FLT3: variants seen among roughly 807,000 people sequenced by gnomAD.
FLT3 encodes receptor-type tyrosine-protein kinase FLT3.
FLT3 carries 46 observed loss-of-function variants against 126.6 expected under a neutral mutation model. That is an observed-to-expected ratio of 0.36 (90% confidence interval 0.29 to 0.46). The LOEUF is 0.46. FLT3 is among the 20% of genes least tolerant of loss of function. The pLI, the probability that FLT3 is intolerant of heterozygous loss-of-function variation, is 1.00. For missense variants in FLT3, 1,069 were observed against 1,190.3 expected (o/e 0.90, Z 1.50); for synonymous variants, 404 against 434.4 (o/e 0.93, Z 0.87).
At chr13:28,017,728 G>A (rs534474042) in intron 20 of FLT3, among the ~76,000 whole-genome samples, 3 of 149,276 alleles carry the variant, frequency 2.0e-5, no homozygotes, top group Non-Finnish European at 3.0e-5. Flanking sequence ...GCAGTGGCGC[G>A]ATCTCAGCTC....
rs1051138362 is a variant in FLT3 at position 28,100,203 on chromosome 13, C to T, written c.43+265G>A. Reference sequence around the variant, plus strand: ...GCGAGGCCGTCTGCGAAGTCCGGGCCGCCACTCGGGACCGCGGCCCGAGCC... The same window carrying T: ...GCGAGGCCGTCTGCGAAGTCCGGGCTGCCACTCGGGACCGCGGCCCGAGCC... On this transcript the variant is annotated intron_variant, in intron 1 of 23. Transcript: ENST00000241453. The surrounding 1 kb of genome is among the most constrained non-coding windows in gnomAD (Gnocchi z 4.8). Among the ~76,000 whole-genome samples the T allele has an allele frequency of 2.0e-4, 30 of 151,978 alleles. No individual in the cohort carries two copies. The highest frequency in any genetic ancestry group is 6.8e-4 in the African/African-American group (28 of 41,388).
chr13:28,065,114 A>G (rs1166865786), intron 2 of FLT3, among the ~76,000 whole-genome samples: 1 of 152,216 alleles, frequency 6.6e-6, no homozygotes, highest in Non-Finnish European at 1.5e-5. Context: ...ATGCTATGTA[A>G]GAAAGAGGAG....
rs1873623486 is a variant in FLT3 at position 28,034,214 on chromosome 13, G to C, written c.1705C>G (p.Gln569Glu). The change falls in exon 14 of 24, where the codon CAA (glutamine) becomes GAA (glutamate). Residue 569 changes from glutamine (Q) to glutamate (E), a missense_variant and splice_region_variant. Physicochemically the swap from Gln to Glu is conservative, Grantham distance 29. Transcript: ENST00000241453. ...TGTAGCTGGCTTTCATACCTAAATTGCTTCAGAGATGAAATGATGAGTCAG... is the reference window on the plus strand; with the variant it reads ...TGTAGCTGGCTTTCATACCTAAATTCCTTCAGAGATGAAATGATGAGTCAG... ...TLLICHKYKK[Q>E]FRYESQLQMV... 6.2e-7 allele frequency: 1 copy of C among 1,613,906 alleles called. No individual in the cohort carries two copies. Among genetic ancestry groups the C allele is most frequent in the South Asian group, 1.1e-5 (1 of 91,024 alleles).
chr13:28,070,616 T>C lies in FLT3; in HGVS notation c.44-4A>G. ...AATATCATTGCAGAAAAAACAACTG[T>C]AAAACAAAATAAAAATGATAATGTT... On this transcript the variant is annotated splice_polypyrimidine_tract_variant and splice_region_variant and intron_variant, in intron 1 of 23. Transcript: ENST00000241453. The C allele has an allele frequency of 6.3e-7, 1 of 1,586,624 alleles. No individual in the cohort carries two copies. The highest frequency in any genetic ancestry group is 8.6e-7 in the Non-Finnish European group (1 of 1,159,620).
At position 28,049,651 on chromosome 13, in the gene FLT3, T is replaced by G. The variant is rs754039652; in HGVS notation, c.866A>C (p.Asn289Thr). 9 of 1,614,198 alleles carry G rather than the reference T, an allele frequency of 5.6e-6. No individual in the cohort carries two copies. The East Asian group carries it at 1.3e-4, about 24-fold the overall frequency. The change falls in exon 7 of 24, where the codon AAC (asparagine) becomes ACC (threonine). Residue 289 changes from asparagine to threonine, a missense_variant. Coordinates refer to ENST00000241453, the MANE Select transcript of FLT3 (RefSeq NM_004119.3). ...HGFGLTWELE[N>T]KALEEGNYFE... ...TCCTATTACCTCCTCGAGTGCTTTG[T>G]TTTCTAATTCCCAGGTGAGCCCGAA...
At position 28,057,372 on chromosome 13, in the gene FLT3, T is replaced by G; in HGVS notation, c.459A>C (p.Thr153=). 1 of 1,498,836 alleles carries G rather than the reference T, an allele frequency of 6.7e-7. No homozygotes were observed. Among genetic ancestry groups the G allele is most frequent in the Non-Finnish European group, 9.3e-7 (1 of 1,074,656 alleles). 92.8% of individuals were successfully genotyped at this position (1,498,836 alleles called of 1,614,324 possible). The part of the protein sequence containing the change: ...LFIQSEATNY[T]ILFTVSIRNT... ...TTCTTATACTCACTGTAAACAATAT[T>G]GTGTAATTGGTAGCTTCACTCTGAA... Residue 153 remains threonine, a synonymous_variant, in exon 4 of 24, where the codon ACA becomes ACC. Transcript: ENST00000241453.
Position 28,047,346 on chromosome 13 carries a change from A to G in FLT3, c.1205+929T>C, listed in dbSNP as rs1306786538. Among the ~76,000 whole-genome samples, 3 of 152,344 alleles carry G rather than the reference A, an allele frequency of 2.0e-5. No individual in the cohort carries two copies. The East Asian group carries it at 5.8e-4, about 29-fold the overall frequency. On this transcript the variant is annotated intron_variant, in intron 9 of 23. Transcript: ENST00000241453. ...TTAGTTTAAAGAGACAAGAGATGTCATAACTATAGAAGATATAGGGGAAAG... is the reference window on the plus strand; with the variant it reads ...TTAGTTTAAAGAGACAAGAGATGTCGTAACTATAGAAGATATAGGGGAAAG...
intron 9 of FLT3, among the ~76,000 whole-genome samples, chr13:28,041,984 C>T (rs1294988947): frequency 2.0e-5 from 3 of 151,896 alleles, no homozygotes; most frequent in African/African-American, 7.2e-5. Context: ...GAAACTCCAT[C>T]TCTACTAAAG....
At chr13:28,077,457 AT>A (rs1314939786) in intron 1 of FLT3, among the ~76,000 whole-genome samples, 1 of 152,184 alleles carries the variant, frequency 6.6e-6, no homozygotes, top group Non-Finnish European at 1.5e-5. Flanking sequence ...CGTGAGACTT[AT>A]TCCCATCAAA....
At chr13:28,010,542 A>G (rs940053395) in intron 23 of FLT3, among the ~76,000 whole-genome samples, 2 of 152,228 alleles carry the variant, frequency 1.3e-5, no homozygotes, top group Non-Finnish European at 2.9e-5. Context: ...TCGGTTCACC[A>G]CTGTCTAAAT....
chr13:28,095,721 G>T (rs1879408365), intron 1 of FLT3, among the ~76,000 whole-genome samples: 1 of 152,160 alleles, frequency 6.6e-6, no homozygotes, highest in East Asian at 1.9e-4. Flanking sequence ...AGGTATGTGG[G>T]GAGGCAGCAA....
At position 28,035,928 on chromosome 13, in the gene FLT3, T is replaced by C. The variant is rs771849788; in HGVS notation, c.1418+7A>G. ...TCCATTATAAGAGGCATCAATGTCC[T>C]TATTACTTGGGAGACTTGTCTGAAC... On this transcript the variant is annotated splice_region_variant and intron_variant, in intron 11 of 23. Transcript: ENST00000241453. The C allele has an allele frequency of 4.4e-6, 7 of 1,601,920 alleles. No individual in the cohort carries two copies. Among genetic ancestry groups the C allele is most frequent in the Non-Finnish European group, 6.0e-6 (7 of 1,168,930 alleles).
At chr13:28,070,781 G>C (rs1259537858) in intron 1 of FLT3, among the ~76,000 whole-genome samples, 169 bp from the exon 2 acceptor site, 1 of 152,140 alleles carries the variant, frequency 6.6e-6, no homozygotes, top group Non-Finnish European at 1.5e-5. Context: ...GTTTAAATCA[G>C]GAGCAGAGAT....
intron 1 of FLT3, among the ~76,000 whole-genome samples, chr13:28,072,541 T>G (rs1321038358): frequency 6.6e-6 from 1 of 152,052 alleles, no homozygotes; most frequent in Non-Finnish European, 1.5e-5. Flanking sequence ...GGATCACGGG[T>G]GTGCGCCATC....
intron 1 of FLT3, among the ~76,000 whole-genome samples, chr13:28,088,584 C>CTTTTTTTT (rs34680883): frequency 9.7e-6 from 1 of 103,360 alleles, no homozygotes; most frequent in East Asian, 2.9e-4. Flanking sequence ...CATCCAAAAC[C>CTTTTTTTT]TTTTTTTTTT....
chr13:28,014,256 G>A (rs1391088364), intron 23 of FLT3, among the ~76,000 whole-genome samples, 196 bp downstream of exon 23: 1 of 152,020 alleles, frequency 6.6e-6, no homozygotes, highest in African/African-American at 2.4e-5. Context: ...GGGCCACAGA[G>A]CGAGACCCTG....
At position 28,052,555 on chromosome 13, in the gene FLT3, GT is replaced by G; in HGVS notation, c.603del (p.Gln202ArgfsTer28). 6.2e-7 allele frequency: 1 copy of G among 1,612,884 alleles called. No homozygotes were observed. Among genetic ancestry groups the G allele is most frequent in the Non-Finnish European group, 8.5e-7 (1 of 1,179,382 alleles). On this transcript the variant is annotated frameshift_variant, in exon 5 of 24. Coordinates refer to ENST00000241453, the MANE Select transcript of FLT3 (RefSeq NM_004119.3). LOFTEE classifies it high-confidence loss of function. Reference protein sequence around the residue: ...EPIVEWVLCDSQGESCKEESP... With the variant: ...EPIVEWVLCDXQGESCKEESP... The stretch of plus-strand genomic sequence containing the variant: ...ATGGATGTGTCATACCTTTCCCCCT[GT>G]GAATCGCAAAGCACCCATTCCACGA...
At position 28,045,502 on chromosome 13, in the gene FLT3, C is replaced by T. The variant is rs566232407; in HGVS notation, c.1205+2773G>A. ...TGATATGCTGATTTCCTTCTGAACA[C>T]AGGCCAAGTGGTAATCAAGTCAACT... is the stretch of plus-strand genomic sequence containing the variant. On this transcript the variant is annotated intron_variant, in intron 9 of 23. Coordinates refer to ENST00000241453, the MANE Select transcript of FLT3 (RefSeq NM_004119.3). 3.9e-5 allele frequency among the ~76,000 whole-genome samples: 6 copies of T among 152,218 alleles called. 1 individual carries two copies. Among genetic ancestry groups the T allele is most frequent in the African/African-American group, 1.4e-4 (6 of 41,528 alleles).
At chr13:28,046,793 G>A (rs1874924437) in intron 9 of FLT3, among the ~76,000 whole-genome samples, 2 of 151,954 alleles carry the variant, frequency 1.3e-5, no homozygotes, top group Non-Finnish European at 2.9e-5. Flanking sequence ...ATGGGATTTT[G>A]CCATGTTATC....
Sources: allele counts gnomAD v4.1 joint callset (sites outside exome capture counted in the v4.1 genomes callset), GRCh38; gene constraint gnomAD v4.1.1; non-coding constraint Gnocchi (gnomAD v3.1); transcripts MANE v1.5; gene names NCBI Gene and HGNC (gene_info 2026-07-23, HGNC 2026-07-21).